ATP10A: variants seen among roughly 807,000 people sequenced by gnomAD.
The protein encoded by ATP10A is ATPase phospholipid transporting 10A (putative), also known as phospholipid-transporting ATPase VA.
A neutral mutation model predicts 147.8 loss-of-function variants in ATP10A; 111 were observed. The ratio of observed to expected loss-of-function variants is 0.75; its 90% CI spans 0.64 to 0.88. ATP10A has a LOEUF of 0.88. Ranked by LOEUF, ATP10A falls within the 40% of genes least tolerant of loss-of-function variation. The pLI, the probability that ATP10A is intolerant of heterozygous loss-of-function variation, is 0.00. For missense variants in ATP10A, 1,927 were observed against 1,959.0 expected (o/e 0.98, Z 0.31); for synonymous variants, 875 against 841.6 (o/e 1.04, Z -0.69).
chr15:25,722,994 A>G (rs1902335054), intron 6 of ATP10A, among the ~76,000 whole-genome samples: 1 of 152,218 alleles, frequency 6.6e-6, no homozygotes, highest in South Asian at 2.1e-4. Flanking sequence ...ATCCTGGAGG[A>G]GAAAAAGCAC....
At chr15:25,830,652 G>A (rs953161254) in intron 1 of ATP10A, among the ~76,000 whole-genome samples, 1 of 152,074 alleles carries the variant, frequency 6.6e-6, no homozygotes, top group Non-Finnish European at 1.5e-5. Flanking sequence ...GCCCCCTTCC[G>A]TCTTCCCTCA....
chr15:25,818,015 TATTAAC>T (rs1220992629), intron 1 of ATP10A, among the ~76,000 whole-genome samples: 1 of 63,680 alleles, frequency 1.6e-5, no homozygotes, highest in Non-Finnish European at 2.9e-5. Flanking sequence ...TATCAGAACT[TATTAAC>T]ATTGCTGTCA....
At chr15:25,743,617 GT>G (rs1359959855) in intron 2 of ATP10A, among the ~76,000 whole-genome samples, 1 of 152,196 alleles carries the variant, frequency 6.6e-6, no homozygotes, top group Admixed American at 6.5e-5. Context: ...GCCTATATTA[GT>G]TGCCTGTAGC....
intron 1 of ATP10A, among the ~76,000 whole-genome samples, chr15:25,836,183 G>C (rs1406112945): frequency 6.6e-6 from 1 of 152,058 alleles, no homozygotes; most frequent in African/African-American, 2.4e-5. Context: ...TCCTCACCTC[G>C]AGTGATCATC....
intron 6 of ATP10A, among the ~76,000 whole-genome samples, chr15:25,723,519 A>C (rs953631000): frequency 6.6e-6 from 1 of 152,044 alleles, no homozygotes; most frequent in African/African-American, 2.4e-5. Context: ...ATTTTGGAGT[A>C]ATTTTAAGAT....
intron 12 of ATP10A, among the ~76,000 whole-genome samples, chr15:25,704,884 T>C (rs1212868763): frequency 6.6e-6 from 1 of 152,144 alleles, no homozygotes; most frequent in Non-Finnish European, 1.5e-5. Flanking sequence ...GTATCATAAC[T>C]CAGGAGTTGG....
intron 2 of ATP10A, among the ~76,000 whole-genome samples, chr15:25,763,767 C>T (rs776800396): frequency 2.0e-4 from 30 of 152,176 alleles, no homozygotes; most frequent in Non-Finnish European, 4.1e-4. Context: ...ATAAGCTCCT[C>T]CCCTGTGGAT....
intron 2 of ATP10A, among the ~76,000 whole-genome samples, chr15:25,747,409 G>C (rs982695744): frequency 6.6e-6 from 1 of 151,514 alleles, no homozygotes; most frequent in Non-Finnish European, 1.5e-5. Flanking sequence ...AATACTAAAA[G>C]GAGAAATTAA....
intron 16 of ATP10A, among the ~76,000 whole-genome samples, 167 bp downstream of exon 16, chr15:25,687,536 G>A (rs1217811670): frequency 6.6e-6 from 1 of 151,718 alleles, no homozygotes; most frequent in African/African-American, 2.4e-5. Context: ...TGAGCCTACA[G>A]AGTGCAGAGC....
chr15:25,846,660 G>A lies in ATP10A; in HGVS notation c.449+15988C>T, dbSNP rs183468562. Among the ~76,000 whole-genome samples, 432 of 152,212 alleles carry A rather than the reference G, an allele frequency of 2.8e-3. 1 individual carries two copies. The highest frequency in any genetic ancestry group is 4.3e-3 in the Admixed American group (65 of 15,284). On this transcript the variant is annotated intron_variant, in intron 1 of 20. Transcript: ENST00000555815. ...AGAATCACCTAGCCTGACATGTGCCGGACACGTGCCTGACACGTGCAATGT... is the reference window on the plus strand; with the variant it reads ...AGAATCACCTAGCCTGACATGTGCCAGACACGTGCCTGACACGTGCAATGT...
chr15:25,693,259 G>C (rs1900132974), intron 14 of ATP10A, among the ~76,000 whole-genome samples: 1 of 152,188 alleles, frequency 6.6e-6, no homozygotes, highest in South Asian at 2.1e-4. Context: ...CCGGGCTCAA[G>C]TGATCTTCCT....
intron 1 of ATP10A, among the ~76,000 whole-genome samples, chr15:25,836,206 C>T (rs960331286): frequency 1.3e-5 from 2 of 152,184 alleles, no homozygotes; most frequent in Non-Finnish European, 2.9e-5. Context: ...GCCTCGGCCT[C>T]CCAAAGTACT....
At chr15:25,765,970 AT>A in intron 2 of ATP10A, among the ~76,000 whole-genome samples, 1 of 152,298 alleles carries the variant, frequency 6.6e-6, no homozygotes, top group Non-Finnish European at 1.5e-5. Flanking sequence ...CCGTTTTCAC[AT>A]TGCTAATAAA....
rs777442267 is a variant in ATP10A at position 25,680,257 on chromosome 15, C to T, written c.3730G>A (p.Val1244Met). 40 of 1,613,934 alleles carry T rather than the reference C, an allele frequency of 2.5e-5. No individual in the cohort carries two copies. The highest frequency in any genetic ancestry group is 3.1e-5 in the Non-Finnish European group (36 of 1,180,026). ...CGFSVLLFFT[V>M]ALIYNASCAT... Reference sequence around the variant, plus strand: ...CAAGACGCATTGTAAATCAAAGCCACGGTGAAAAACAAAAGGACACTGAAG... The same window carrying T: ...CAAGACGCATTGTAAATCAAAGCCATGGTGAAAAACAAAAGGACACTGAAG... Residue 1244 changes from valine (V) to methionine (M), a missense_variant, in exon 20 of 21, where the codon GTG becomes ATG. Physicochemically the swap from Val to Met is conservative, Grantham distance 21 (BLOSUM62 1). Transcript: ENST00000555815.
chr15:25,773,346 G>C (rs931690032), intron 2 of ATP10A, among the ~76,000 whole-genome samples: 2 of 152,112 alleles, frequency 1.3e-5, no homozygotes, highest in Non-Finnish European at 2.9e-5. Flanking sequence ...CAATGTCTGC[G>C]GAGGTGCTCT....
downstream of ATP10A, among the ~76,000 whole-genome samples, chr15:25,673,447 T>C (rs1899080652): frequency 6.6e-6 from 1 of 152,238 alleles, no homozygotes; most frequent in Non-Finnish European, 1.5e-5. Context: ...AGAACTGTCC[T>C]CATTCTGCAA....
chr15:25,850,427 A>G lies in ATP10A; in HGVS notation c.449+12221T>C, dbSNP rs1208379568. 2.6e-5 allele frequency among the ~76,000 whole-genome samples: 4 copies of G among 152,156 alleles called. No homozygotes were observed. In the East Asian group the frequency reaches 7.7e-4, roughly 29 times the overall value. ...AAAACTGATTTCCAACTTGGCAAAA[A>G]GCAACAGGAGAGGCCCCGGCTGTGT... On this transcript the variant is annotated intron_variant, in intron 1 of 20. Coordinates refer to ENST00000555815, the MANE Select transcript of ATP10A (RefSeq NM_024490.4).
intron 2 of ATP10A, among the ~76,000 whole-genome samples, chr15:25,750,216 A>G (rs1044954681): frequency 6.6e-6 from 1 of 152,136 alleles, no homozygotes; most frequent in Non-Finnish European, 1.5e-5. Context: ...TTATGTACAA[A>G]GGAACACAAA....
At chr15:25,702,184 T>C in intron 12 of ATP10A, 84 bp from the exon 13 acceptor site, 1 of 1,381,342 alleles carries the variant, frequency 7.2e-7, no homozygotes, top group Middle Eastern at 2.1e-4. Flanking sequence ...ATGCACCAGA[T>C]ACACCGAAGG....
Sources: gnomAD v4.1 joint callset for allele counts (sites outside exome capture counted in the v4.1 genomes callset) on GRCh38, gnomAD v4.1.1 for gene constraint, MANE v1.5 for transcripts, NCBI Gene and HGNC (gene_info 2026-07-23, HGNC 2026-07-21) for gene names.